The following MBTPS2 variants were observed in gnomAD, a reference collection of about 807,000 sequenced individuals.
The protein encoded by MBTPS2 is membrane bound transcription factor peptidase, site 2.
In MBTPS2, 2 loss-of-function variants were observed where a neutral mutation model predicts 35.4. That is an observed-to-expected ratio of 0.06 (90% CI 0.02 to 0.18). The LOEUF is 0.18. Ranked by LOEUF, MBTPS2 falls within the 10% of genes least tolerant of loss-of-function variation. MBTPS2 has a pLI of 1.00. For synonymous variants in MBTPS2, 125 were observed against 140.4 expected, an observed-to-expected ratio of 0.89 and a Z score of 0.77; for missense variants, 244 against 386.5, an observed-to-expected ratio of 0.63 and a Z score of 3.09.
At chrX:21,876,555 ACT>A (rs1332274269) in intron 7 of MBTPS2, among the ~76,000 whole-genome samples, 5 of 104,547 alleles carry the variant, frequency 4.8e-5, no homozygotes, top group African/African-American at 1.8e-4. Context: ...ACAGAGTGAG[ACT>A]CTGTCTCAAA....
In MBTPS2 at chrX:21,884,675, T is replaced by C; in HGVS notation, c.*2020T>C. On this transcript the variant is annotated 3_prime_UTR_variant, in exon 11 of 11. Transcript: ENST00000379484. Reference sequence around the variant, plus strand: ...TTACGTGTTTTCTTCTTTAGCTTGGTTGTGGGCACTTCTACAGCAAGGACC... The same window carrying C: ...TTACGTGTTTTCTTCTTTAGCTTGGCTGTGGGCACTTCTACAGCAAGGACC... 2.8e-6 allele frequency: 2 copies of C among 727,168 alleles called. No homozygotes were observed. The highest frequency in any genetic ancestry group is 1.6e-6 in the Non-Finnish European group (1 of 614,524). The allele number at this position is 727,168 out of a possible 1,213,427, so 59.9% of individuals were successfully genotyped here.
In MBTPS2 at chrX:21,845,312, CTCTTCTTCCTCTTCCTCTTCTTCA is replaced by C. The variant is rs761369288; in HGVS notation, c.384_407del (p.Ser129_Ser136del). The C allele has an allele frequency of 1.3e-5, 16 of 1,185,758 alleles. No homozygotes were observed. The highest frequency in any genetic ancestry group is 1.8e-5 in the Non-Finnish European group (16 of 872,419). On this transcript the variant is annotated inframe_deletion, in exon 3 of 11. Coordinates refer to ENST00000379484, the MANE Select transcript of MBTPS2 (RefSeq NM_015884.4). ...CTTCCTCCTCTTCTTCCTCTTCCTC[CTCTTCTTCCTCTTCCTCTTCTTCA>C]TCTTCTTCCTCTTCCTCGCTTCACA...
intron 5 of MBTPS2, among the ~76,000 whole-genome samples, chrX:21,861,393 C>T (rs981746234): frequency 9.0e-6 from 1 of 111,269 alleles, no homozygotes; most frequent in Non-Finnish European, 1.9e-5. Flanking sequence ...CTGTGTATTG[C>T]AGTATTATAT....
intron 1 of MBTPS2, among the ~76,000 whole-genome samples, chrX:21,840,339 T>C (rs894070115): frequency 2.7e-5 from 3 of 112,266 alleles, no homozygotes; most frequent in Admixed American, 9.4e-5. Flanking sequence ...ATTCTGCATT[T>C]CTAACCAGTT....
At position 21,868,511 on chromosome X, in the gene MBTPS2, C is replaced by T. The variant is rs749769074; in HGVS notation, c.715C>T (p.Leu239Phe). The stretch of plus-strand genomic sequence containing the variant: ...CCTTGCACTCTTGGGTATTTTAGCT[C>T]TTGTTCTCCTCCCAGTAATTCTCTT... Reference protein sequence around the residue: ...FVLALLGILALVLLPVILLPF... With the variant: ...FVLALLGILAFVLLPVILLPF... The change falls in exon 6 of 11, where the codon CTT becomes TTT. Residue 239 changes from leucine to phenylalanine, a missense_variant. Coordinates refer to ENST00000379484, the MANE Select transcript of MBTPS2 (RefSeq NM_015884.4). 1 of 1,210,015 alleles carries T rather than the reference C, an allele frequency of 8.3e-7. No individual in the cohort carries two copies. The highest frequency in any genetic ancestry group is 1.8e-5 in the South Asian group (1 of 56,938).
At chrX:21,851,016 G>A (rs958438475) in intron 3 of MBTPS2, among the ~76,000 whole-genome samples, 4 of 111,569 alleles carry the variant, frequency 3.6e-5, no homozygotes, top group African/African-American at 6.5e-5. Flanking sequence ...AATGAAACTC[G>A]CTGATTAATA....
At chrX:21,859,440 T>C (rs1207786125) in intron 5 of MBTPS2, among the ~76,000 whole-genome samples, 1 of 92,589 alleles carries the variant, frequency 1.1e-5, no homozygotes, top group Admixed American at 1.3e-4. Flanking sequence ...TATTAGGTGA[T>C]TTAATAGTAC....
chrX:21,841,500 T>C (rs1418352800), intron 1 of MBTPS2, among the ~76,000 whole-genome samples: 2 of 110,742 alleles, frequency 1.8e-5, no homozygotes, highest in Non-Finnish European at 3.8e-5. Flanking sequence ...ATGATTTTGT[T>C]GTTTGAAAAA....
In MBTPS2 at chrX:21,839,816, G is replaced by A. The variant is rs773723750; in HGVS notation, c.75+7G>A. The A allele has an allele frequency of 1.7e-6, 2 of 1,186,240 alleles. No individual in the cohort carries two copies. The highest frequency in any genetic ancestry group is 2.3e-6 in the Non-Finnish European group (2 of 881,005). Reference sequence around the variant, plus strand: ...GACCGACTTGGTGCTGAAGGTGAGGGCCTTGGGCCTAAGGTCCAAGCCCGC... The same window carrying A: ...GACCGACTTGGTGCTGAAGGTGAGGACCTTGGGCCTAAGGTCCAAGCCCGC... On this transcript the variant is annotated splice_region_variant and intron_variant, in intron 1 of 10. Transcript: ENST00000379484.
At position 21,884,048 on chromosome X, in the gene MBTPS2, G is replaced by A. The variant is rs887230645; in HGVS notation, c.*1393G>A. The A allele has an allele frequency of 6.6e-6, 5 of 752,268 alleles. No individual in the cohort carries two copies. Among genetic ancestry groups the A allele is most frequent in the African/African-American group, 4.6e-5 (2 of 43,207 alleles). 62.0% of individuals were successfully genotyped at this position (752,268 alleles called of 1,213,427 possible). A position where few individuals can be genotyped will look rare whatever the true frequency, so the allele number is the denominator to read the frequency against. ...TTTACTGAGTGATGTATTCCATGGG[G>A]TTACCTTTTTCAGATTATTGAGTTG... On this transcript the variant is annotated 3_prime_UTR_variant, in exon 11 of 11. Coordinates refer to ENST00000379484, the MANE Select transcript of MBTPS2 (RefSeq NM_015884.4).
Position 21,883,808 on chromosome X carries a change from CT to C in MBTPS2, c.*1154del. ...ACGTGGATTTTCCAGGGCTTGGGAA[CT>C]GATTCTTGAGCCCAGAAGAGCCACG... is the stretch of plus-strand genomic sequence containing the variant. On this transcript the variant is annotated 3_prime_UTR_variant, in exon 11 of 11. Coordinates refer to ENST00000379484, the MANE Select transcript of MBTPS2 (RefSeq NM_015884.4). 1.5e-5 allele frequency: 11 copies of C among 754,065 alleles called. No individual in the cohort carries two copies. Among genetic ancestry groups the C allele is most frequent in the Non-Finnish European group, 1.7e-5 (11 of 639,372 alleles). 62.1% of individuals were successfully genotyped at this position (754,065 alleles called of 1,213,427 possible).
Position 21,885,404 on chromosome X carries a change from G to C in MBTPS2, c.*2749G>C. Reference sequence around the variant, plus strand: ...TGTTTAGCAATAAAAGAATAAATGTGTACCAGCATTTTATGTTTATCATCG... The same window carrying C: ...TGTTTAGCAATAAAAGAATAAATGTCTACCAGCATTTTATGTTTATCATCG... On this transcript the variant is annotated 3_prime_UTR_variant, in exon 11 of 11. Coordinates refer to ENST00000379484, the MANE Select transcript of MBTPS2 (RefSeq NM_015884.4). The C allele has an allele frequency of 5.3e-6, 4 of 751,454 alleles. No individual in the cohort carries two copies. The highest frequency in any genetic ancestry group is 6.3e-6 in the Non-Finnish European group (4 of 636,754). The allele number at this position is 751,454 out of a possible 1,213,427, so 61.9% of individuals were successfully genotyped here.
In MBTPS2 at chrX:21,884,159, G is replaced by T. The variant is rs2092962299; in HGVS notation, c.*1504G>T. 1.4e-6 allele frequency: 1 copy of T among 709,963 alleles called. No homozygotes were observed. Among genetic ancestry groups the T allele is most frequent in the African/African-American group, 2.4e-5 (1 of 42,333 alleles). The allele number at this position is 709,963 out of a possible 1,213,427, so 58.5% of individuals were successfully genotyped here. A position where few individuals can be genotyped will look rare whatever the true frequency, so the allele number is the denominator to read the frequency against. Reference sequence around the variant, plus strand: ...TTTGCCTTAACAGTAATTAGATGTTGAATATAATTTTAACATTTTATTAAT... The same window carrying T: ...TTTGCCTTAACAGTAATTAGATGTTTAATATAATTTTAACATTTTATTAAT... On this transcript the variant is annotated 3_prime_UTR_variant, in exon 11 of 11. Coordinates refer to ENST00000379484, the MANE Select transcript of MBTPS2 (RefSeq NM_015884.4).
intron 3 of MBTPS2, among the ~76,000 whole-genome samples, chrX:21,848,596 G>A (rs985439340): frequency 3.7e-5 from 4 of 108,621 alleles, no homozygotes; most frequent in Non-Finnish European, 5.7e-5. Context: ...AGGAGAATGA[G>A]ATGAACCCGG....
intron 1 of MBTPS2, among the ~76,000 whole-genome samples, chrX:21,840,970 G>A (rs1018670042): frequency 9.0e-6 from 1 of 111,713 alleles, no homozygotes; most frequent in South Asian, 3.8e-4. Context: ...ATAAAGTCTC[G>A]CTCCTCAACT....
chrX:21,884,969 T>A lies in MBTPS2; in HGVS notation c.*2314T>A. ...CTGTAGAGTGATTGGAAAAATGGAT[T>A]ATTTTGAGGATTGAAGAAAGTGTTC... On this transcript the variant is annotated 3_prime_UTR_variant, in exon 11 of 11. Transcript: ENST00000379484. The A allele has an allele frequency of 1.3e-6, 1 of 752,461 alleles. No homozygotes were observed. Among genetic ancestry groups the A allele is most frequent in the South Asian group, 6.8e-5 (1 of 14,805 alleles). 62.0% of individuals were successfully genotyped at this position (752,461 alleles called of 1,213,427 possible).
intron 5 of MBTPS2, among the ~76,000 whole-genome samples, chrX:21,864,140 A>G (rs1216435496): frequency 8.9e-6 from 1 of 112,789 alleles, no homozygotes; most frequent in Non-Finnish European, 1.9e-5. Context: ...AAATTTAGGA[A>G]TATAATTTCA....
At chrX:21,849,189 G>C (rs1221168758) in intron 3 of MBTPS2, among the ~76,000 whole-genome samples, 1 of 111,292 alleles carries the variant, frequency 9.0e-6, no homozygotes. Flanking sequence ...TAATAGATTT[G>C]ACTACCTAAA....
Position 21,839,671 on chromosome X carries a change from C to T in MBTPS2, c.-64C>T. On this transcript the variant is annotated 5_prime_UTR_variant, in exon 1 of 11. Transcript: ENST00000379484. ...GGGGCTGTAAGGCGCGCGCGGTCAG[C>T]TGTTGGCGGTGCAGGGAGGAGGACG... The T allele has an allele frequency of 9.1e-7, 1 of 1,102,356 alleles. No homozygotes were observed. The highest frequency in any genetic ancestry group is 1.2e-6 in the Non-Finnish European group (1 of 813,976). 90.8% of individuals were successfully genotyped at this position (1,102,356 alleles called of 1,213,427 possible).
Sources: allele counts gnomAD v4.1 joint callset (sites outside exome capture counted in the v4.1 genomes callset), GRCh38; gene constraint gnomAD v4.1.1; transcripts MANE v1.5; gene names NCBI Gene and HGNC (gene_info 2026-07-23, HGNC 2026-07-21).